SH3GLB1: variants seen among roughly 807,000 people sequenced by gnomAD.
SH3GLB1 encodes the protein endophilin-B1.
Under a neutral mutation model 42.0 loss-of-function variants are expected in SH3GLB1, and 17 were observed. The observed-to-expected ratio is 0.40, with a 90% CI of 0.28 to 0.61. The LOEUF (loss-of-function observed/expected upper bound fraction) is 0.61. Among genes scored for constraint, SH3GLB1 ranks in the 20% least tolerant of loss-of-function variants. The pLI, the probability that SH3GLB1 is intolerant of heterozygous loss-of-function variation, is 0.36. For synonymous variants in SH3GLB1, 132 were observed against 146.6 expected (o/e 0.90, Z 0.72); for missense variants, 355 against 426.3 (o/e 0.83, Z 1.47).
chr1:86,704,861 GC>G lies in SH3GLB1; in HGVS notation c.-37del. 6.8e-7 allele frequency: 1 copy of G among 1,467,056 alleles called. No individual in the cohort carries two copies. Among genetic ancestry groups the G allele is most frequent in the Non-Finnish European group, 9.2e-7 (1 of 1,086,118 alleles). The allele number at this position is 1,467,056 out of a possible 1,614,324, so 90.9% of individuals were successfully genotyped here. ...CCGGCCGCGGCACCTCCGCCTCGCC[GC>G]CGCTAGGTCGGCCGGCTCCGCCCGG... is the stretch of plus-strand genomic sequence containing the variant. On this transcript the variant is annotated 5_prime_UTR_variant, in exon 1 of 9. Transcript: ENST00000370558.
In SH3GLB1 at chr1:86,745,347, T is replaced by C. The variant is rs891026142; in HGVS notation, c.*2112T>C. 4 of 152,226 alleles carry C rather than the reference T, an allele frequency of 2.6e-5. No homozygotes were observed. Among genetic ancestry groups the C allele is most frequent in the African/African-American group, 7.2e-5 (3 of 41,448 alleles). The allele number at this position is 152,226 out of a possible 1,614,324, so 9.4% of individuals were successfully genotyped here. A position where few individuals can be genotyped will look rare whatever the true frequency, so the allele number is the denominator to read the frequency against. On this transcript the variant is annotated 3_prime_UTR_variant, in exon 9 of 9. Transcript: ENST00000370558. ...GCACATAGTAAACACATCCTGTAAA[T>C]ATCAGTTTCCCCTTGTTAGCCCCTG...
chr1:86,740,978 TATG>T (rs747651242), intron 7 of SH3GLB1, among the ~76,000 whole-genome samples: 24 of 151,820 alleles, frequency 1.6e-4, no homozygotes, highest in African/African-American at 4.8e-4. Flanking sequence ...GGAAAGATAA[TATG>T]ATAAAATGTA....
chr1:86,708,986 A>G (rs1391763114), intron 1 of SH3GLB1, among the ~76,000 whole-genome samples: 1 of 152,212 alleles, frequency 6.6e-6, no homozygotes, highest in Non-Finnish European at 1.5e-5. Context: ...AAATGGAGAG[A>G]GTAAAAAAAA....
At chr1:86,716,151 T>C (rs553109479) in intron 2 of SH3GLB1, among the ~76,000 whole-genome samples, 18 of 152,370 alleles carry the variant, frequency 1.2e-4, no homozygotes, top group African/African-American at 4.3e-4. Context: ...TATATAAATA[T>C]GTTTTCCTTT....
In SH3GLB1 at chr1:86,704,771, G is replaced by A; in HGVS notation, c.-129G>A. ...TCACGGAAACGACAGCTGCGGCTGC[G>A]GGGCTGGCGCCGCCTCCCTCCACCT... On this transcript the variant is annotated 5_prime_UTR_variant, in exon 1 of 9. Coordinates refer to ENST00000370558, the MANE Select transcript of SH3GLB1 (RefSeq NM_016009.5). The A allele has an allele frequency of 5.8e-6, 3 of 519,922 alleles. No homozygotes were observed. Among genetic ancestry groups the A allele is most frequent in the East Asian group, 7.4e-5 (2 of 27,108 alleles). The allele number at this position is 519,922 out of a possible 1,614,324, so 32.2% of individuals were successfully genotyped here.
chr1:86,724,886 A>ATATATATATATATAT (rs1409906302), intron 5 of SH3GLB1, among the ~76,000 whole-genome samples: 6 of 102,400 alleles, frequency 5.9e-5, no homozygotes, highest in African/African-American at 3.0e-4. Context: ...AAAAAAAAAA[A>ATATATATATATATAT]AAAAAAATAT....
chr1:86,705,093 G>A, intron 1 of SH3GLB1, 122 bp downstream of exon 1: 1 of 620,594 alleles, frequency 1.6e-6, no homozygotes, highest in Non-Finnish European at 2.6e-6. Flanking sequence ...GCAGCCAGAG[G>A]CCTGGGAGAT....
At chr1:86,716,164 C>T (rs1249140567) in intron 2 of SH3GLB1, among the ~76,000 whole-genome samples, 3 of 152,102 alleles carry the variant, frequency 2.0e-5, no homozygotes, top group African/African-American at 7.2e-5. Context: ...TTTCCTTTTT[C>T]ATCTAGGGAA....
chr1:86,708,422 G>A (rs1464951746), intron 1 of SH3GLB1, among the ~76,000 whole-genome samples: 6 of 152,050 alleles, frequency 3.9e-5, no homozygotes, highest in African/African-American at 1.4e-4. Context: ...GTTGGCCAAC[G>A]CCATACATTG....
At chr1:86,733,324 T>TGCTACTTCCTTGTAGCA (rs1655607795) in intron 5 of SH3GLB1, among the ~76,000 whole-genome samples, 1 of 152,206 alleles carries the variant, frequency 6.6e-6, no homozygotes, top group African/African-American at 2.4e-5. Flanking sequence ...TCTACTTTGC[T>TGCTACTTCCTTGTAGCA]GCTACTTCCT....
chr1:86,724,246 A>T, intron 4 of SH3GLB1, 67 bp from the exon 5 acceptor site: 2 of 1,108,442 alleles, frequency 1.8e-6, no homozygotes, highest in African/African-American at 1.6e-5. Flanking sequence ...ATAATACTTT[A>T]AATGTGTATG....
At position 86,745,311 on chromosome 1, in the gene SH3GLB1, G is replaced by A. The variant is rs1466713579; in HGVS notation, c.*2076G>A. The A allele has an allele frequency of 6.6e-6, 1 of 152,172 alleles. No individual in the cohort carries two copies. Among genetic ancestry groups the A allele is most frequent in the Non-Finnish European group, 1.5e-5 (1 of 68,028 alleles). 9.4% of individuals were successfully genotyped at this position (152,172 alleles called of 1,614,324 possible). ...ATCTTGTATTTCAGGTGCCTTTCAG[G>A]GAAAGGCTTGGCACATAGTAAACAC... On this transcript the variant is annotated 3_prime_UTR_variant, in exon 9 of 9. Coordinates refer to ENST00000370558, the MANE Select transcript of SH3GLB1 (RefSeq NM_016009.5).
intron 4 of SH3GLB1, 145 bp downstream of exon 4, chr1:86,722,818 C>A: frequency 1.7e-6 from 1 of 585,788 alleles, no homozygotes; most frequent in Non-Finnish European, 2.8e-6. Context: ...CACCAGAACA[C>A]AAAATTAAAC....
In SH3GLB1 at chr1:86,715,763, T is replaced by C; in HGVS notation, c.112T>C (p.Leu38=). The change falls in exon 2 of 9, where the codon TTG becomes CTG. Residue 38 remains leucine (L), a synonymous_variant. Transcript: ENST00000370558. ...EKLGQAEKTE[L]DAHLENLLSK... is the part of the protein sequence containing the mutation. ...GCTTGGCCAGGCTGAGAAGACAGAATTGGATGCTCACTTAGAGAACCTCCT... is the reference window on the plus strand; with the variant it reads ...GCTTGGCCAGGCTGAGAAGACAGAACTGGATGCTCACTTAGAGAACCTCCT... The C allele has an allele frequency of 1.2e-6, 2 of 1,611,198 alleles. No homozygotes were observed. The highest frequency in any genetic ancestry group is 1.7e-6 in the Non-Finnish European group (2 of 1,179,314).
chr1:86,727,785 T>G (rs1418738669), intron 5 of SH3GLB1, among the ~76,000 whole-genome samples: 1 of 152,072 alleles, frequency 6.6e-6, no homozygotes, highest in Non-Finnish European at 1.5e-5. Context: ...CTGTTAATTT[T>G]GGGACATCCA....
At chr1:86,714,036 T>C (rs1654371079) in intron 1 of SH3GLB1, among the ~76,000 whole-genome samples, 1 of 152,208 alleles carries the variant, frequency 6.6e-6, no homozygotes, top group Non-Finnish European at 1.5e-5. Context: ...ATGGATAAAC[T>C]TGCTTATTAA....
chr1:86,704,716 C>T lies in SH3GLB1; in HGVS notation c.-184C>T, dbSNP rs1019765269. ...GGCGCTGCCGCCGCGCGCTTGTTCT[C>T]CTCCCTCGCCCCGCCTTCATCCTCC... On this transcript the variant is annotated 5_prime_UTR_variant, in exon 1 of 9. Coordinates refer to ENST00000370558, the MANE Select transcript of SH3GLB1 (RefSeq NM_016009.5). 1.7e-5 allele frequency: 8 copies of T among 462,312 alleles called. No homozygotes were observed. In the East Asian group the frequency reaches 2.0e-4, roughly 12 times the overall value. 28.6% of individuals were successfully genotyped at this position (462,312 alleles called of 1,614,324 possible). A position where few individuals can be genotyped will look rare whatever the true frequency, so the allele number is the denominator to read the frequency against.
At chr1:86,711,906 G>T (rs1000306998) in intron 1 of SH3GLB1, among the ~76,000 whole-genome samples, 3 of 151,980 alleles carry the variant, frequency 2.0e-5, no homozygotes, top group Non-Finnish European at 2.9e-5. Flanking sequence ...AAATATTTTT[G>T]ATTAGTAATT....
chr1:86,715,103 C>T (rs1654431375), intron 1 of SH3GLB1, among the ~76,000 whole-genome samples: 1 of 151,918 alleles, frequency 6.6e-6, no homozygotes. Flanking sequence ...ATGGTATGTT[C>T]TGGGAAACTA....
Sources: gnomAD v4.1 joint callset for allele counts (sites outside exome capture counted in the v4.1 genomes callset) on GRCh38, gnomAD v4.1.1 for gene constraint, MANE v1.5 for transcripts, NCBI Gene and HGNC (gene_info 2026-07-23, HGNC 2026-07-21) for gene names.